Variants in SPEN observed in about 807,000 individuals in gnomAD.
The protein encoded by SPEN is spen family transcriptional repressor.
In SPEN, 18 loss-of-function variants were observed where a neutral mutation model predicts 269.9. That is an observed-to-expected ratio of 0.07 (90% confidence interval 0.05 to 0.10). SPEN has a LOEUF of 0.10. Among genes scored for constraint, SPEN ranks in the 10% least tolerant of loss-of-function variants. The probability of loss-of-function intolerance (pLI) is 1.00; values close to 1 mark genes in which losing one functional copy is unlikely to be tolerated. For synonymous variants in SPEN, 1,726 were observed against 1,765.7 expected (o/e 0.98, Z 0.56); for missense variants, 3,822 against 4,631.2 (o/e 0.83, Z 5.07).
At position 15,876,568 on chromosome 1, in the gene SPEN, A is replaced by G. The variant is rs1477915562; in HGVS notation, c.771A>G (p.Arg257=). 7.4e-6 allele frequency: 12 copies of G among 1,613,900 alleles called. No individual in the cohort carries two copies. The highest frequency in any genetic ancestry group is 1.0e-5 in the Non-Finnish European group (12 of 1,179,986). Reference sequence around the variant, plus strand: ...AGTCTAGAAATCAGTCTCCTCAGAGACTGGCTAGCCAAGCATCTAGACCCA... The same window carrying G: ...AGTCTAGAAATCAGTCTCCTCAGAGGCTGGCTAGCCAAGCATCTAGACCCA... ...SSQSRNQSPQ[R]LASQASRPTR... The change falls in exon 3 of 15, where the codon AGA becomes AGG. Residue 257 remains arginine, a synonymous_variant. Coordinates refer to ENST00000375759, the MANE Select transcript of SPEN (RefSeq NM_015001.3).
intron 3 of SPEN, among the ~76,000 whole-genome samples, chr1:15,901,818 A>G (rs1329638179): frequency 6.6e-6 from 1 of 151,994 alleles, no homozygotes; most frequent in Non-Finnish European, 1.5e-5. Flanking sequence ...TTTATTGTGG[A>G]CAGTATCTAT....
intron 1 of SPEN, among the ~76,000 whole-genome samples, chr1:15,849,861 T>C (rs1453357973): frequency 6.6e-6 from 1 of 152,158 alleles, no homozygotes; most frequent in African/African-American, 2.4e-5. Flanking sequence ...CTGTGGACTT[T>C]CTCTGTAGGT....
At position 15,928,875 on chromosome 1, in the gene SPEN, G is replaced by A; in HGVS notation, c.2635G>A (p.Val879Ile). Residue 879 changes from valine (V) to isoleucine (I), a missense_variant, in exon 11 of 15, where the codon GTT becomes ATT. By Grantham distance (29) the Val-to-Ile change is conservative. Around this residue, in one of 16 missense-constraint regions of SPEN, gnomAD observed 572 missense variants for 582.6 expected, o/e 0.98. Transcript: ENST00000375759. This position sits in a 1 kb window ranked among gnomAD's most constrained non-coding sequence, Gnocchi z 5.7. ...KNRLELMPCV[V>I]LTRVKEKEGK... ...CCGCCTGGAACTCATGCCTTGCGTG[G>A]TTTTGACTCGAGTGAAAGAGAAAGA... 6.2e-7 allele frequency: 1 copy of A among 1,614,164 alleles called. No homozygotes were observed. Among genetic ancestry groups the A allele is most frequent in the African/African-American group, 1.3e-5 (1 of 75,050 alleles).
intron 1 of SPEN, among the ~76,000 whole-genome samples, chr1:15,872,219 T>A (rs1190171886): frequency 8.1e-5 from 9 of 111,616 alleles, no homozygotes; most frequent in Admixed American, 7.0e-4. Flanking sequence ...TGAGACTCTG[T>A]CTCAAAAAAA....
intron 1 of SPEN, among the ~76,000 whole-genome samples, chr1:15,863,372 G>A (rs2070466662): frequency 6.6e-6 from 1 of 152,112 alleles, no homozygotes; most frequent in African/African-American, 2.4e-5. Flanking sequence ...GGAAACAGAT[G>A]CCTTTTCCCA....
chr1:15,885,503 G>T lies in SPEN; in HGVS notation c.881+8825G>T, dbSNP rs534586379. On this transcript the variant is annotated intron_variant, in intron 3 of 14. Transcript: ENST00000375759. ...TTCTTTGTGATGGACTCCTGTAAGA[G>T]CCAATTAATGGTTTTATTGACTGTG... 1.6e-4 allele frequency among the ~76,000 whole-genome samples: 24 copies of T among 152,270 alleles called. 1 individual carries two copies. Among genetic ancestry groups the T allele is most frequent in the Middle Eastern group, 3.4e-3 (1 of 294 alleles).
At chr1:15,858,997 A>G (rs78427839) in intron 1 of SPEN, among the ~76,000 whole-genome samples, 1 of 152,188 alleles carries the variant, frequency 6.6e-6, no homozygotes, top group African/African-American at 2.4e-5. Flanking sequence ...TAGCTATTAT[A>G]TGTGACATTG....
chr1:15,897,569 C>G (rs923984333), intron 3 of SPEN, among the ~76,000 whole-genome samples: 1 of 152,140 alleles, frequency 6.6e-6, no homozygotes. Context: ...CCAAGTTGGT[C>G]AGGCTGGTCT....
At chr1:15,877,931 A>G (rs1435934751) in intron 3 of SPEN, among the ~76,000 whole-genome samples, 2 of 149,848 alleles carry the variant, frequency 1.3e-5, no homozygotes, top group African/African-American at 4.9e-5. Flanking sequence ...TTTTAGTAGA[A>G]ACGGGGTTTT....
intron 3 of SPEN, among the ~76,000 whole-genome samples, chr1:15,888,734 G>T (rs1434557725): frequency 1.3e-5 from 2 of 151,938 alleles, no homozygotes; most frequent in African/African-American, 4.8e-5. Context: ...CTGGGTTCAA[G>T]TGATTCTCCT....
Position 15,937,390 on chromosome 1 carries a change from G to A in SPEN, c.10254G>A (p.Gln3418=), listed in dbSNP as rs116419497. The A allele has an allele frequency of 1.3e-3, 2,052 of 1,613,840 alleles. 5 individuals are homozygous for A. Among genetic ancestry groups the A allele is most frequent in the Non-Finnish European group, 1.3e-3 (1,545 of 1,180,020 alleles). Reference sequence around the variant, plus strand: ...ACAGGCCACCTGAGCCTCACACCCAGGTTCAGAGGGCACAAGCAGAAACAG... The same window carrying A: ...ACAGGCCACCTGAGCCTCACACCCAAGTTCAGAGGGCACAAGCAGAAACAG... ...PANRPPEPHT[Q]VQRAQAETGP... Residue 3418 remains glutamine, a synonymous_variant, in exon 12 of 15, where the codon CAG becomes CAA. Transcript: ENST00000375759. This position sits in a 1 kb window ranked among gnomAD's most constrained non-coding sequence, Gnocchi z 5.7.
intron 1 of SPEN, among the ~76,000 whole-genome samples, chr1:15,869,045 T>C (rs986158574): frequency 1.3e-5 from 2 of 152,188 alleles, no homozygotes; most frequent in African/African-American, 4.8e-5. Context: ...CAGCTTTTAT[T>C]AAATTAATTA....
chr1:15,862,756 G>T (rs928212527), intron 1 of SPEN, among the ~76,000 whole-genome samples: 5 of 151,516 alleles, frequency 3.3e-5, no homozygotes, highest in African/African-American at 1.2e-4. Flanking sequence ...TGTAATCCCA[G>T]CACTTTCTGC....
intron 3 of SPEN, among the ~76,000 whole-genome samples, chr1:15,882,785 C>T (rs2070699934): frequency 6.6e-6 from 1 of 152,204 alleles, no homozygotes; most frequent in Non-Finnish European, 1.5e-5. Flanking sequence ...AAAGGCACAG[C>T]CTAGAGGGCT....
At position 15,931,420 on chromosome 1, in the gene SPEN, A is replaced by G; in HGVS notation, c.5180A>G (p.Gln1727Arg). 2 of 1,614,160 alleles carry G rather than the reference A, an allele frequency of 1.2e-6. No individual in the cohort carries two copies. The highest frequency in any genetic ancestry group is 2.2e-5 in the East Asian group (1 of 44,890). Residue 1727 changes from glutamine to arginine, a missense_variant, in exon 11 of 15, where the codon CAG becomes CGG. Physicochemically the swap from Gln to Arg is conservative, Grantham distance 43. Transcript: ENST00000375759. The surrounding 1 kb of genome is among the most constrained non-coding windows in gnomAD (Gnocchi z 4.8). ...AGVEEGSSGD[Q>R]PPYLDAKPPT... ...GTTGAGGAAGGTTCATCAGGTGACC[A>G]GCCGCCTTATCTGGATGCCAAGCCT...
chr1:15,922,290 C>T lies in SPEN; in HGVS notation c.1791C>T (p.His597=). ...GGGAAAGTCAGCTGGCTTTTTATCACTGCATGGAGAAATCTGGTCAAGACA... is the reference window on the plus strand; with the variant it reads ...GGGAAAGTCAGCTGGCTTTTTATCATTGCATGGAGAAATCTGGTCAAGACA... ...ANRESQLAFY[H]CMEKSGQDIR... Residue 597 remains histidine (H), a synonymous_variant, in exon 10 of 15, where the codon CAC becomes CAT. Transcript: ENST00000375759. 1.2e-6 allele frequency: 2 copies of T among 1,607,760 alleles called. No individual in the cohort carries two copies.
intron 1 of SPEN, among the ~76,000 whole-genome samples, chr1:15,853,174 T>C (rs970840734): frequency 2.0e-5 from 3 of 152,070 alleles, no homozygotes; most frequent in African/African-American, 7.2e-5. Flanking sequence ...TTTATTTTCA[T>C]TATTTTTTTA....
rs779128550 is a variant in SPEN, at chr1:15,909,434, G to A, written c.995G>A (p.Arg332His). 2 of 1,614,126 alleles carry A rather than the reference G, an allele frequency of 1.2e-6. No individual in the cohort carries two copies. The highest frequency in any genetic ancestry group is 8.5e-7 in the Non-Finnish European group (1 of 1,180,020). Residue 332 changes from arginine to histidine, a missense_variant, in exon 4 of 15, where the codon CGT (arginine) becomes CAT (histidine). Coordinates refer to ENST00000375759, the MANE Select transcript of SPEN (RefSeq NM_015001.3). Reference sequence around the variant, plus strand: ...TCATCTCTGGAAAAAGATGAGCCCCGTAAAAGTTTTGGCATCAAGGTCCAG... The same window carrying A: ...TCATCTCTGGAAAAAGATGAGCCCCATAAAAGTTTTGGCATCAAGGTCCAG... Reference protein sequence around the residue: ...LLSSLEKDEPRKSFGIKVQNL... With the variant: ...LLSSLEKDEPHKSFGIKVQNL...
In SPEN at chr1:15,933,168, C is replaced by T. The variant is rs749064619; in HGVS notation, c.6928C>T (p.His2310Tyr). ...EARGNSSETSHSVPEAKGSKE... is the reference protein window; with the variant it reads ...EARGNSSETSYSVPEAKGSKE... ...CAGAGGAAATAGCAGTGAAACCTCA[C>T]ACTCAGTGCCAGAAGCCAAAGGGTC... The change falls in exon 11 of 15, where the codon CAC (histidine) becomes TAC (tyrosine). Residue 2310 changes from histidine (H) to tyrosine (Y), a missense_variant. Coordinates refer to ENST00000375759, the MANE Select transcript of SPEN (RefSeq NM_015001.3). The surrounding 1 kb of genome is among the most constrained non-coding windows in gnomAD (Gnocchi z 5.7). 1 of 1,614,094 alleles carries T rather than the reference C, an allele frequency of 6.2e-7. No homozygotes were observed. The highest frequency in any genetic ancestry group is 8.5e-7 in the Non-Finnish European group (1 of 1,180,056).
Sources: allele counts gnomAD v4.1 joint callset (sites outside exome capture counted in the v4.1 genomes callset), GRCh38; gene constraint gnomAD v4.1.1; regional missense constraint gnomAD v4.1.1; non-coding constraint Gnocchi (gnomAD v3.1); transcripts MANE v1.5; gene names NCBI Gene and HGNC (gene_info 2026-07-23, HGNC 2026-07-21).